RBFOX1: variants seen among roughly 807,000 people sequenced by gnomAD.
The protein encoded by RBFOX1 is RNA binding fox-1 homolog 1.
RBFOX1 carries 8 observed loss-of-function variants against 57.7 expected under a neutral mutation model. That is an observed-to-expected ratio of 0.14 (90% CI 0.08 to 0.25). The LOEUF (loss-of-function observed/expected upper bound fraction) is 0.25. RBFOX1 is among the 10% of genes least tolerant of loss of function. The pLI, the probability that RBFOX1 is intolerant of heterozygous loss-of-function variation, is 1.00. For synonymous variants in RBFOX1, 326 were observed against 222.4 expected (o/e 1.47, Z -4.15); for missense variants, 611 against 548.5 (o/e 1.11, Z -1.14).
intron 3 of RBFOX1, among the ~76,000 whole-genome samples, chr16:6,834,184 C>G (rs1040865220): frequency 5.9e-5 from 9 of 152,090 alleles, no homozygotes; most frequent in African/African-American, 1.9e-4. Context: ...AGTGATTGTC[C>G]TGCCTCAGCC....
rs56236052 is a variant in RBFOX1, at chr16:5,904,629, T to A, written c.351+37294T>A. Among the ~76,000 whole-genome samples, 799 of 151,956 alleles carry A rather than the reference T, an allele frequency of 5.3e-3. 8 individuals carry two copies. The highest frequency in any genetic ancestry group is 0.018 in the African/African-American group (738 of 41,440). ...CCTTGAAAAGACTTCTATGTTGAGG[T>A]CTTTGCCCTCAGTACCTCAGAATGT... On this transcript the variant is annotated intron_variant, in intron 4 of 19. Transcript: ENST00000641259.
chr16:6,967,703 G>C (rs962023810), intron 3 of RBFOX1, among the ~76,000 whole-genome samples: 7 of 152,050 alleles, frequency 4.6e-5, no homozygotes. Flanking sequence ...GAACACGGTA[G>C]GTCCTTGGTC....
chr16:6,111,556 G>A (rs2096446943), intron 1 of RBFOX1, among the ~76,000 whole-genome samples: 1 of 152,170 alleles, frequency 6.6e-6, no homozygotes, highest in African/African-American at 2.4e-5. Context: ...TCCCATTGGA[G>A]TTACAGAGCA....
chr16:5,698,308 T>G (rs1034361444), intron 3 of RBFOX1, among the ~76,000 whole-genome samples: 5 of 152,204 alleles, frequency 3.3e-5, no homozygotes, highest in African/African-American at 9.6e-5. Context: ...GAAAGTTATC[T>G]TTTCCTTGAA....
At chr16:6,605,273 TAAAG>T (rs1285980471) in intron 2 of RBFOX1, among the ~76,000 whole-genome samples, 3 of 144,196 alleles carry the variant, frequency 2.1e-5, no homozygotes, top group Non-Finnish European at 4.6e-5. Flanking sequence ...CACATACAAT[TAAAG>T]AAATAAAAAA....
intron 3 of RBFOX1, among the ~76,000 whole-genome samples, chr16:6,725,442 C>G (rs1170721714): frequency 1.3e-5 from 2 of 152,262 alleles, no homozygotes; most frequent in African/African-American, 2.4e-5. Context: ...CTGTGACTCA[C>G]AATCCCCAAC....
At chr16:5,289,675 G>C (rs1251685883) in intron 1 of RBFOX1, among the ~76,000 whole-genome samples, 1 of 152,218 alleles carries the variant, frequency 6.6e-6, no homozygotes, top group Non-Finnish European at 1.5e-5. Context: ...GGGTCTAGGG[G>C]AGTTATGAGC....
chr16:7,356,485 C>A (rs956330787), intron 4 of RBFOX1, among the ~76,000 whole-genome samples: 1 of 151,838 alleles, frequency 6.6e-6, no homozygotes, highest in East Asian at 1.9e-4. Context: ...TGGCCAGGGC[C>A]TTGTGATGGA....
At chr16:7,064,335 A>T (rs1460924331) in intron 4 of RBFOX1, among the ~76,000 whole-genome samples, 3 of 151,816 alleles carry the variant, frequency 2.0e-5, no homozygotes, top group African/African-American at 7.2e-5. Context: ...TACCCAGCTA[A>T]TTTTTGTATT....
chr16:6,363,296 C>G (rs962953577), intron 2 of RBFOX1, among the ~76,000 whole-genome samples: 1 of 152,052 alleles, frequency 6.6e-6, no homozygotes, highest in African/African-American at 2.4e-5. Context: ...CATTCCATCC[C>G]AAGGGATGGT....
At chr16:5,845,016 G>A (rs778917787) in intron 3 of RBFOX1, among the ~76,000 whole-genome samples, 9 of 150,602 alleles carry the variant, frequency 6.0e-5, no homozygotes, top group Non-Finnish European at 1.2e-4. Context: ...TTTGTAATGA[G>A]AACCAAAAAG....
chr16:6,385,921 C>T (rs1183046606), intron 2 of RBFOX1, among the ~76,000 whole-genome samples: 1 of 147,116 alleles, frequency 6.8e-6, no homozygotes, highest in East Asian at 2.1e-4. Context: ...ATTAAGAACT[C>T]ATTTCTTTTT....
intron 3 of RBFOX1, among the ~76,000 whole-genome samples, chr16:5,864,024 C>T (rs1355549677): frequency 6.6e-6 from 1 of 152,084 alleles, no homozygotes; most frequent in East Asian, 1.9e-4. Context: ...GCCTAGTGCC[C>T]ATTATTTTTC....
At chr16:6,876,136 T>C (rs2153291394) in intron 3 of RBFOX1, among the ~76,000 whole-genome samples, 1 of 152,112 alleles carries the variant, frequency 6.6e-6, no homozygotes. Context: ...TGAGCCATGA[T>C]TGCACCATTG....
intron 4 of RBFOX1, among the ~76,000 whole-genome samples, chr16:7,072,116 C>G (rs773455624): frequency 6.6e-6 from 1 of 152,116 alleles, no homozygotes; most frequent in Non-Finnish European, 1.5e-5. Flanking sequence ...AAACATGTAT[C>G]TTGAGCTGCC....
At chr16:5,359,700 G>A (rs180830324) in intron 1 of RBFOX1, among the ~76,000 whole-genome samples, 3 of 152,110 alleles carry the variant, frequency 2.0e-5, no homozygotes, top group African/African-American at 7.2e-5. Flanking sequence ...CTTCTTTGCC[G>A]ATCATTTCCT....
At chr16:5,360,754 G>C (rs149731082) in intron 1 of RBFOX1, among the ~76,000 whole-genome samples, 4 of 152,200 alleles carry the variant, frequency 2.6e-5, no homozygotes, top group African/African-American at 9.6e-5. Context: ...AATGTCAACA[G>C]CTGAAACTGT....
intron 2 of RBFOX1, chr16:6,577,171 CTG>C (rs1252647979): frequency 1.3e-5 from 2 of 152,190 alleles, no homozygotes; most frequent in East Asian, 1.9e-4. Context: ...CGCTGAATGA[CTG>C]TGTGGATCAG....
intron 2 of RBFOX1, among the ~76,000 whole-genome samples, chr16:6,369,934 G>A (rs999363766): frequency 3.3e-5 from 5 of 152,112 alleles, no homozygotes; most frequent in Non-Finnish European, 7.4e-5. Flanking sequence ...GACCTTGATG[G>A]CAGTTTTGTT....
Sources: gnomAD v4.1 joint callset for allele counts (sites outside exome capture counted in the v4.1 genomes callset) on GRCh38, gnomAD v4.1.1 for gene constraint, MANE v1.5 for transcripts, NCBI Gene and HGNC (gene_info 2026-07-23, HGNC 2026-07-21) for gene names.